TMEM45A: variants seen among roughly 807,000 people sequenced by gnomAD.
The protein encoded by TMEM45A is transmembrane protein 45A, also known as DNA polymerase-transactivated protein 4.
In TMEM45A, 25 loss-of-function variants were observed where a neutral mutation model predicts 32.0. That is an observed-to-expected ratio of 0.78 (90% confidence interval 0.57 to 1.09). The LOEUF (loss-of-function observed/expected upper bound fraction) is 1.09. TMEM45A is among the 50% of genes least tolerant of loss of function. The pLI is 0.00. For missense variants in TMEM45A, 302 were observed against 325.0 expected (o/e 0.93, Z 0.54); for synonymous variants, 122 against 114.8 (o/e 1.06, Z -0.40).
intron 2 of TMEM45A, among the ~76,000 whole-genome samples, chr3:100,556,220 A>G (rs371381373): frequency 7.8e-4 from 119 of 152,254 alleles, no homozygotes; most frequent in African/African-American, 2.6e-3. Flanking sequence ...ACCTCCAGTG[A>G]TCTGCCTGCC....
intron 1 of TMEM45A, among the ~76,000 whole-genome samples, chr3:100,503,626 G>C (rs1465161666): frequency 6.6e-6 from 1 of 152,196 alleles, no homozygotes; most frequent in Non-Finnish European, 1.5e-5. Context: ...TCCAATGTAA[G>C]ATACTTTGCA....
chr3:100,499,047 T>G (rs557330459), intron 1 of TMEM45A, among the ~76,000 whole-genome samples: 24 of 151,116 alleles, frequency 1.6e-4, no homozygotes, highest in East Asian at 3.9e-4. Flanking sequence ...AAAATTAGGG[T>G]TTTTTTTTCG....
intron 1 of TMEM45A, among the ~76,000 whole-genome samples, chr3:100,515,552 G>A (rs1396157027): frequency 1.1e-4 from 17 of 150,762 alleles, no homozygotes; most frequent in South Asian, 2.1e-4. Context: ...TGGGTGCAGC[G>A]CACCAGCATG....
At chr3:100,573,462 A>T (rs1415859961) in intron 5 of TMEM45A, 1 of 152,160 alleles carries the variant, frequency 6.6e-6, no homozygotes. Flanking sequence ...GTATCCTGAG[A>T]CTTTGCTGAA....
At chr3:100,537,477 C>G (rs1705763072) in intron 1 of TMEM45A, among the ~76,000 whole-genome samples, 1 of 152,208 alleles carries the variant, frequency 6.6e-6, no homozygotes, top group African/African-American at 2.4e-5. Flanking sequence ...GAAATCCAAA[C>G]AAAGCCATTT....
rs1463945170 is a variant in TMEM45A at position 100,543,158 on chromosome 3, A to G, written c.-3-12051A>G. Among the ~76,000 whole-genome samples, 3 of 152,222 alleles carry G rather than the reference A, an allele frequency of 2.0e-5. No homozygotes were observed. The East Asian group carries it at 5.8e-4, about 29-fold the overall frequency. Reference sequence around the variant, plus strand: ...TTTCAAAATTCATTCCTGTTTGTAAATATAGATATACTTCTTTTATTCAAA... The same window carrying G: ...TTTCAAAATTCATTCCTGTTTGTAAGTATAGATATACTTCTTTTATTCAAA... On this transcript the variant is annotated intron_variant, in intron 1 of 5. Transcript: ENST00000323523.
chr3:100,512,542 C>T (rs536512602), intron 1 of TMEM45A, among the ~76,000 whole-genome samples: 2 of 152,090 alleles, frequency 1.3e-5, no homozygotes, highest in Admixed American at 6.5e-5. Flanking sequence ...AAAATTGACA[C>T]CCTAACATCA....
At position 100,506,359 on chromosome 3, in the gene TMEM45A, TA is replaced by T. The variant is rs148264931; in HGVS notation, c.-4+13441del. ...CAGAGTTCAAGAATATTTATGGGAA[TA>T]AAAAAAAAATCCGGTGCCAAACAAG... On this transcript the variant is annotated intron_variant, in intron 1 of 5. Transcript: ENST00000323523. Among the ~76,000 whole-genome samples the T allele has an allele frequency of 3.3e-3, 493 of 150,060 alleles. 4 individuals carry two copies. Among genetic ancestry groups the T allele is most frequent in the Non-Finnish European group, 5.2e-3 (352 of 67,326 alleles).
intron 1 of TMEM45A, among the ~76,000 whole-genome samples, chr3:100,510,341 AC>A (rs1178316013): frequency 2.6e-5 from 4 of 151,956 alleles, no homozygotes; most frequent in South Asian, 2.1e-4. Context: ...ACTGGGAGGC[AC>A]CCCCCAGCAG....
intron 1 of TMEM45A, among the ~76,000 whole-genome samples, chr3:100,537,589 A>G (rs933295305): frequency 6.6e-6 from 1 of 152,132 alleles, no homozygotes; most frequent in African/African-American, 2.4e-5. Flanking sequence ...CCTCCTGAGA[A>G]TTGGTTGTGT....
intron 5 of TMEM45A, 88 bp downstream of exon 5, chr3:100,569,055 G>C (rs970315541): frequency 1.4e-6 from 2 of 1,381,996 alleles, no homozygotes; most frequent in Non-Finnish European, 2.0e-6. Flanking sequence ...AATTCAAAAG[G>C]GTATTTCATT....
chr3:100,533,748 G>A (rs529652768), intron 1 of TMEM45A, among the ~76,000 whole-genome samples: 137 of 152,226 alleles, frequency 9.0e-4, no homozygotes, highest in Non-Finnish European at 1.6e-3. Context: ...TATGACATGA[G>A]GCAGTGCCTA....
chr3:100,535,829 A>G (rs771763454), intron 1 of TMEM45A, among the ~76,000 whole-genome samples: 1 of 152,160 alleles, frequency 6.6e-6, no homozygotes. Flanking sequence ...TGTTTGTTCT[A>G]TTAGTTGCTG....
Position 100,556,883 on chromosome 3 carries a change from TG to T in TMEM45A, c.317del (p.Gly106ValfsTer17), listed in dbSNP as rs748428481. The T allele has an allele frequency of 6.2e-7, 1 of 1,614,210 alleles. No individual in the cohort carries two copies. Among genetic ancestry groups the T allele is most frequent in the Non-Finnish European group, 8.5e-7 (1 of 1,180,024 alleles). ...HFTMYFFFGL[L>X]GVADILCFTI... ...ACCATGTATTTCTTCTTTGGGCTGT[TG>T]GGTGTGGCAGATATCTTATGTTTCA... On this transcript the variant is annotated frameshift_variant, in exon 3 of 6. Transcript: ENST00000323523. LOFTEE classifies it high-confidence loss of function.
intron 1 of TMEM45A, among the ~76,000 whole-genome samples, chr3:100,522,296 C>G (rs970116712): frequency 6.6e-6 from 1 of 152,156 alleles, no homozygotes; most frequent in African/African-American, 2.4e-5. Context: ...GTGGGAGATG[C>G]AGTATCAGTC....
At chr3:100,574,481 C>G (rs1313969355) in intron 5 of TMEM45A, 2 of 152,190 alleles carry the variant, frequency 1.3e-5, no homozygotes, top group Non-Finnish European at 1.5e-5. Context: ...AGACCAATAA[C>G]AGGCTCTGAA....
At chr3:100,500,609 C>G (rs1249454214) in intron 1 of TMEM45A, among the ~76,000 whole-genome samples, 2 of 152,208 alleles carry the variant, frequency 1.3e-5, no homozygotes, top group Non-Finnish European at 2.9e-5. Context: ...TCAGAGAAAG[C>G]TCGGAAGACA....
intron 1 of TMEM45A, among the ~76,000 whole-genome samples, chr3:100,501,385 C>T (rs1708005750): frequency 6.6e-6 from 1 of 152,148 alleles, no homozygotes; most frequent in East Asian, 1.9e-4. Context: ...CCCCAGAGAG[C>T]TGATGGTTGG....
At chr3:100,502,114 T>C (rs1708015196) in intron 1 of TMEM45A, among the ~76,000 whole-genome samples, 1 of 152,136 alleles carries the variant, frequency 6.6e-6, no homozygotes, top group African/African-American at 2.4e-5. Context: ...ACATTCTTCA[T>C]ATCCAAATAG....
Sources: allele counts gnomAD v4.1 joint callset (sites outside exome capture counted in the v4.1 genomes callset), GRCh38; gene constraint gnomAD v4.1.1; transcripts MANE v1.5; gene names NCBI Gene and HGNC (gene_info 2026-07-23, HGNC 2026-07-21).